OSBPL5: variants seen among roughly 807,000 people sequenced by gnomAD.
The protein encoded by OSBPL5 is oxysterol-binding protein-related protein 5.
In OSBPL5, 71 loss-of-function variants were observed where a neutral mutation model predicts 111.2. That is an observed-to-expected ratio of 0.64 (90% confidence interval 0.53 to 0.78). The LOEUF is 0.78. Ranked by LOEUF, OSBPL5 falls within the 30% of genes least tolerant of loss-of-function variation. OSBPL5 has a pLI of 0.00. For missense variants in OSBPL5, 1,210 were observed against 1,189.3 expected, an observed-to-expected ratio of 1.02 and a Z score of -0.26; for synonymous variants, 549 against 513.9, an observed-to-expected ratio of 1.07 and a Z score of -0.93.
In OSBPL5 at chr11:3,132,290, G is replaced by A. The variant is rs535164550; in HGVS notation, c.-21-3121C>T. 3.2e-4 allele frequency among the ~76,000 whole-genome samples: 49 copies of A among 152,194 alleles called. 1 individual carries two copies. The highest frequency in any genetic ancestry group is 5.3e-4 in the Non-Finnish European group (36 of 68,006). On this transcript the variant is annotated intron_variant, in intron 1 of 21. Transcript: ENST00000263650. Reference sequence around the variant, plus strand: ...CCCAGACCAGTGTCCAGTGCCCCGGGCCCTGCAGACCACCTCTGACCCGCT... The same window carrying A: ...CCCAGACCAGTGTCCAGTGCCCCGGACCCTGCAGACCACCTCTGACCCGCT...
intron 2 of OSBPL5, among the ~76,000 whole-genome samples, chr11:3,127,689 C>A (rs1590690492): frequency 6.6e-6 from 1 of 152,204 alleles, no homozygotes; most frequent in African/African-American, 2.4e-5. Context: ...CCTGTGGCCG[C>A]CAGCAAACTA....
chr11:3,106,033 G>A lies in OSBPL5; in HGVS notation c.1059+1230C>T, dbSNP rs1418300115. ...TCCCGAGGCCCTTGCCTAACCCGCC[G>A]GTGGCTTCCCCAATACTCTCAGCCT... On this transcript the variant is annotated intron_variant, in intron 9 of 21. Transcript: ENST00000263650. This position sits in a 1 kb window ranked among gnomAD's most constrained non-coding sequence, Gnocchi z 8.4. Among the ~76,000 whole-genome samples, 2 of 151,752 alleles carry A rather than the reference G, an allele frequency of 1.3e-5. No individual in the cohort carries two copies. The highest frequency in any genetic ancestry group is 4.8e-5 in the African/African-American group (2 of 41,274).
intron 3 of OSBPL5, 98 bp from the exon 4 acceptor site, chr11:3,122,526 C>A: frequency 1.9e-6 from 2 of 1,063,868 alleles, no homozygotes; most frequent in Non-Finnish European, 2.7e-6. Flanking sequence ...GGGCAGAAGT[C>A]AGAGAAGGGC....
rs946973740 is a variant in OSBPL5, at chr11:3,109,084, G to C, written c.692-1139C>G. Among the ~76,000 whole-genome samples, 2 of 150,656 alleles carry C rather than the reference G, an allele frequency of 1.3e-5. No individual in the cohort carries two copies. The highest frequency in any genetic ancestry group is 1.3e-4 in the Admixed American group (2 of 15,146). On this transcript the variant is annotated intron_variant, in intron 7 of 21. Coordinates refer to ENST00000263650, the MANE Select transcript of OSBPL5 (RefSeq NM_020896.4). The surrounding 1 kb of genome is among the most constrained non-coding windows in gnomAD (Gnocchi z 7.4). ...CACCGGGTCAATAAGTGTGTTTTTT[G>C]TTTTTGTTTTTTTGTTGTTTTGAGA...
intron 1 of OSBPL5, among the ~76,000 whole-genome samples, chr11:3,131,279 ATCT>A (rs202160883): frequency 0.021 from 3,227 of 152,170 alleles, 46 homozygotes; most frequent in Non-Finnish European, 0.03. Flanking sequence ...CACCAGTCTC[ATCT>A]ATACACCAGT....
At position 3,093,044 on chromosome 11, in the gene OSBPL5, T is replaced by A. The variant is rs750078222; in HGVS notation, c.1955A>T (p.Gln652Leu). 7.6e-6 allele frequency: 12 copies of A among 1,578,074 alleles called. No homozygotes were observed. In the South Asian group the frequency reaches 1.3e-4, roughly 17 times the overall value. The stretch of plus-strand genomic sequence containing the variant: ...CTTGCTGATGGCCCTGGTGACGTGC[T>A]GCCAGAGCCTGCGGGCCAGTGACCC... ...QTELESERLW[Q>L]HVTRAISKGD... The change falls in exon 18 of 22, where the codon CAG becomes CTG. Residue 652 changes from glutamine (Q) to leucine (L), a missense_variant. Gln to Leu is a moderately radical substitution (Grantham distance 113). Coordinates refer to ENST00000263650, the MANE Select transcript of OSBPL5 (RefSeq NM_020896.4).
intron 1 of OSBPL5, among the ~76,000 whole-genome samples, chr11:3,152,689 C>T (rs1225479481): frequency 3.3e-5 from 5 of 152,218 alleles, no homozygotes; most frequent in African/African-American, 4.8e-5. Flanking sequence ...TGAACAGAGC[C>T]GGTGCCTGCA....
chr11:3,160,269 C>G (rs553739740), intron 1 of OSBPL5, among the ~76,000 whole-genome samples: 1 of 152,190 alleles, frequency 6.6e-6, no homozygotes, highest in Non-Finnish European at 1.5e-5. Context: ...AAAGTGCTCC[C>G]CTCCCGCCCA....
intron 6 of OSBPL5, 78 bp from the exon 7 acceptor site, chr11:3,119,709 C>A: frequency 1.4e-6 from 2 of 1,389,178 alleles, no homozygotes; most frequent in East Asian, 2.7e-5. Flanking sequence ...CAGAACCATG[C>A]GGATCCACAC....
chr11:3,091,614 C>A (rs924927187), intron 19 of OSBPL5, among the ~76,000 whole-genome samples: 2 of 152,044 alleles, frequency 1.3e-5, no homozygotes, highest in Non-Finnish European at 2.9e-5. Context: ...AGCTAGCAGT[C>A]TGGCCTGAGC....
At chr11:3,093,408 T>C in intron 17 of OSBPL5, 119 bp downstream of exon 17, 1 of 1,446,906 alleles carries the variant, frequency 6.9e-7, no homozygotes, top group Non-Finnish European at 9.3e-7. Flanking sequence ...GCACCAGGCC[T>C]GCCCTCCCTG....
chr11:3,133,176 C>T (rs1393118216), intron 1 of OSBPL5, among the ~76,000 whole-genome samples: 1 of 152,238 alleles, frequency 6.6e-6, no homozygotes, highest in Non-Finnish European at 1.5e-5. Context: ...TTGGCATCTG[C>T]AGGGTGTGAG....
rs1259115422 is a variant in OSBPL5 at position 3,140,117 on chromosome 11, AGAG to A, written c.-21-10951_-21-10949del. On this transcript the variant is annotated intron_variant, in intron 1 of 21. Transcript: ENST00000263650. The surrounding 1 kb of genome is among the most constrained non-coding windows in gnomAD (Gnocchi z 4.5). ...ACCTCTGCCAAGGAGCTCCCTCTGC[AGAG>A]GAGAACCCGGCCAAGGTCCCCCAAA... Among the ~76,000 whole-genome samples the A allele has an allele frequency of 1.3e-5, 2 of 152,238 alleles. No individual in the cohort carries two copies. The highest frequency in any genetic ancestry group is 4.8e-5 in the African/African-American group (2 of 41,462).
chr11:3,107,219 G>C lies in OSBPL5; in HGVS notation c.1059+44C>G. 1 of 1,585,578 alleles carries C rather than the reference G, an allele frequency of 6.3e-7. No homozygotes were observed. The highest frequency in any genetic ancestry group is 8.6e-7 in the Non-Finnish European group (1 of 1,167,616). On this transcript the variant is annotated intron_variant, in intron 9 of 21. Transcript: ENST00000263650. This position sits in a 1 kb window ranked among gnomAD's most constrained non-coding sequence, Gnocchi z 6.1. The stretch of plus-strand genomic sequence containing the variant: ...ACCTCTGCTTCCGGAACAAGGGGCC[G>C]AGGCAGGGGAGACGCTTGGGGCTCC...
chr11:3,133,614 A>G (rs1845871207), intron 1 of OSBPL5, among the ~76,000 whole-genome samples: 1 of 152,178 alleles, frequency 6.6e-6, no homozygotes. Context: ...CAGAGCCCCC[A>G]ATGACTCTCT....
Position 3,092,354 on chromosome 11 carries a change from T to A in OSBPL5, c.2259+78A>T. The A allele has an allele frequency of 1.4e-6, 2 of 1,416,000 alleles. No individual in the cohort carries two copies. The highest frequency in any genetic ancestry group is 1.9e-6 in the Non-Finnish European group (2 of 1,076,414). The allele number at this position is 1,416,000 out of a possible 1,614,324, so 87.7% of individuals were successfully genotyped here. A position where few individuals can be genotyped will look rare whatever the true frequency, so the allele number is the denominator to read the frequency against. Reference sequence around the variant, plus strand: ...AAACGGAGCGAGGGGAAGGGAGGAGTGAGGTGAGGAGCGAGGGGTGGTGGT... The same window carrying A: ...AAACGGAGCGAGGGGAAGGGAGGAGAGAGGTGAGGAGCGAGGGGTGGTGGT... On this transcript the variant is annotated intron_variant, in intron 19 of 21. Coordinates refer to ENST00000263650, the MANE Select transcript of OSBPL5 (RefSeq NM_020896.4). The surrounding 1 kb of genome is among the most constrained non-coding windows in gnomAD (Gnocchi z 5.4).
At chr11:3,129,402 A>C in intron 1 of OSBPL5, 1 of 326,994 alleles carries the variant, frequency 3.1e-6, no homozygotes, top group Non-Finnish European at 5.5e-6. Flanking sequence ...GTAGGGCTGG[A>C]CGGAGCCCTG....
In OSBPL5 at chr11:3,154,742, C is replaced by T. The variant is rs1846699974; in HGVS notation, c.-22+10474G>A. 6.6e-6 allele frequency among the ~76,000 whole-genome samples: 1 copy of T among 152,132 alleles called. No individual in the cohort carries two copies. The highest frequency in any genetic ancestry group is 2.4e-5 in the African/African-American group (1 of 41,414). On this transcript the variant is annotated intron_variant, in intron 1 of 21. Transcript: ENST00000263650. The surrounding 1 kb of genome is among the most constrained non-coding windows in gnomAD (Gnocchi z 4.9). ...CCCCTCAATCCATGTGTTGATGTCT[C>T]AGCCCCTAGGACCTGAGAAAGCGGC...
At chr11:3,147,734 G>T (rs574405025) in intron 1 of OSBPL5, among the ~76,000 whole-genome samples, 1 of 152,226 alleles carries the variant, frequency 6.6e-6, no homozygotes, top group Non-Finnish European at 1.5e-5. Context: ...CCAGGGACGC[G>T]TGGGTGCGTC....
Sources: gnomAD v4.1 joint callset for allele counts (sites outside exome capture counted in the v4.1 genomes callset) on GRCh38, gnomAD v4.1.1 for gene constraint, Gnocchi (gnomAD v3.1) non-coding constraint, MANE v1.5 for transcripts, NCBI Gene and HGNC (gene_info 2026-07-23, HGNC 2026-07-21) for gene names.